Variants in DOCK1 observed in about 807,000 individuals in gnomAD.
DOCK1 encodes dedicator of cytokinesis 1.
In DOCK1, 138 loss-of-function variants were observed where a neutral mutation model predicts 262.7. That is an observed-to-expected ratio of 0.53 (90% CI 0.46 to 0.61). The LOEUF is 0.61. Among genes scored for constraint, DOCK1 ranks in the 20% least tolerant of loss-of-function variants. DOCK1 has a pLI of 0.00. For synonymous variants in DOCK1, 866 were observed against 867.4 expected (o/e 1.00, Z 0.03); for missense variants, 1,908 against 2,370.7 (o/e 0.80, Z 4.05).
intron 29 of DOCK1, among the ~76,000 whole-genome samples, chr10:127,332,525 A>G (rs1194057021): frequency 6.6e-6 from 1 of 152,106 alleles, no homozygotes; most frequent in African/African-American, 2.4e-5. Flanking sequence ...ACAAGCAAAT[A>G]TGCAGACTCC....
intron 29 of DOCK1, among the ~76,000 whole-genome samples, chr10:127,330,196 C>T (rs1048798662): frequency 6.6e-6 from 1 of 152,134 alleles, no homozygotes; most frequent in African/African-American, 2.4e-5. Context: ...AGATGAAGAA[C>T]TCTTCAAAAT....
At chr10:127,403,674 G>A (rs1273730273) in intron 39 of DOCK1, among the ~76,000 whole-genome samples, 3 of 152,256 alleles carry the variant, frequency 2.0e-5, no homozygotes, top group African/African-American at 4.8e-5. Flanking sequence ...CTGGAGAATC[G>A]CTTGAACCCA....
intron 46 of DOCK1, 38 bp downstream of exon 46, chr10:127,419,787 A>G (rs1373634460): frequency 6.4e-7 from 1 of 1,554,564 alleles, no homozygotes; most frequent in South Asian, 1.2e-5. Flanking sequence ...GGCTGGAGGG[A>G]AGGAAAGCTA....
intron 25 of DOCK1, among the ~76,000 whole-genome samples, chr10:127,111,128 G>C (rs977846175): frequency 6.6e-6 from 1 of 152,090 alleles, no homozygotes; most frequent in Admixed American, 6.5e-5. Flanking sequence ...GTGCTTTCAC[G>C]GATCCCAGAC....
chr10:126,935,388 C>T lies in DOCK1; in HGVS notation c.46+29825C>T, dbSNP rs2034497037. On this transcript the variant is annotated intron_variant, in intron 1 of 51. Transcript: ENST00000623213. ...TCTATGCCAAATCTTGGCTGGCAGC[C>T]CCCAGAGGAGTTCTGGCTTGCATCC... Among the ~76,000 whole-genome samples, 6 of 152,200 alleles carry T rather than the reference C, an allele frequency of 3.9e-5. No homozygotes were observed. In the South Asian group the frequency reaches 6.2e-4, roughly 16 times the overall value.
intron 27 of DOCK1, among the ~76,000 whole-genome samples, chr10:127,158,996 T>C (rs2053345243): frequency 6.6e-6 from 1 of 152,082 alleles, no homozygotes; most frequent in Non-Finnish European, 1.5e-5. Flanking sequence ...GACCTCTCCT[T>C]GCTTGATGCC....
chr10:127,042,005 C>T (rs1036070197), intron 19 of DOCK1, among the ~76,000 whole-genome samples: 2 of 152,200 alleles, frequency 1.3e-5, no homozygotes, highest in Non-Finnish European at 2.9e-5. Flanking sequence ...GAAGTCTCTT[C>T]CTAATTACAT....
chr10:127,382,518 G>T (rs947676672), intron 37 of DOCK1, among the ~76,000 whole-genome samples: 1 of 152,202 alleles, frequency 6.6e-6, no homozygotes, highest in African/African-American at 2.4e-5. Flanking sequence ...GAGGCTGGCT[G>T]TCTGAGGACC....
Position 127,418,454 on chromosome 10 carries a change from C to T in DOCK1, c.4605C>T (p.Asp1535=), listed in dbSNP as rs372543526. The change falls in exon 45 of 52, where the codon GAC becomes GAT. Residue 1535 remains aspartate, a synonymous_variant. Coordinates refer to ENST00000623213, the MANE Select transcript of DOCK1 (RefSeq NM_001290223.2). The stretch of plus-strand genomic sequence containing the variant: ...GCATGGTGCAGCAGCACCTGGATGA[C>T]CCCAGCCTGCCCATCAACCCGCTCT... ...INSMVQQHLD[D]PSLPINPLSM... The T allele has an allele frequency of 2.5e-5, 41 of 1,614,052 alleles. No homozygotes were observed. The African/African-American group carries it at 4.9e-4, about 19-fold the overall frequency.
intron 23 of DOCK1, among the ~76,000 whole-genome samples, chr10:127,081,237 C>T (rs1404905872): frequency 1.3e-5 from 2 of 152,054 alleles, no homozygotes; most frequent in African/African-American, 4.8e-5. Context: ...ACATTCCATA[C>T]CTGGTGCAGA....
chr10:127,175,516 G>A lies in DOCK1; in HGVS notation c.2847+47752G>A. ...TCCGAGGGCGCCTGGAGCCCGTTGAGATGTGTGGCTCTCCTCCGCTCGTCA... is the reference window on the plus strand; with the variant it reads ...TCCGAGGGCGCCTGGAGCCCGTTGAAATGTGTGGCTCTCCTCCGCTCGTCA... On this transcript the variant is annotated intron_variant, in intron 27 of 51. Transcript: ENST00000623213. This position sits in a 1 kb window ranked among gnomAD's most constrained non-coding sequence, Gnocchi z 6.3. The A allele has an allele frequency of 6.2e-7, 1 of 1,609,494 alleles. No individual in the cohort carries two copies. The highest frequency in any genetic ancestry group is 8.5e-7 in the Non-Finnish European group (1 of 1,180,018).
At chr10:126,905,797 G>A (rs2133970684) in intron 1 of DOCK1, among the ~76,000 whole-genome samples, 1 of 151,756 alleles carries the variant, frequency 6.6e-6, no homozygotes, top group African/African-American at 2.4e-5. Context: ...GAGGGGGTGG[G>A]GTGGGAATGG....
intron 27 of DOCK1, among the ~76,000 whole-genome samples, chr10:127,212,670 T>C (rs1481472858): frequency 1.3e-5 from 2 of 152,044 alleles, no homozygotes; most frequent in Non-Finnish European, 2.9e-5. Context: ...GTTTTTTTTT[T>C]CTCAATGAAG....
At position 127,380,663 on chromosome 10, in the gene DOCK1, C is replaced by G. The variant is rs11815624; in HGVS notation, c.3716+541C>G. On this transcript the variant is annotated intron_variant, in intron 36 of 51. Coordinates refer to ENST00000623213, the MANE Select transcript of DOCK1 (RefSeq NM_001290223.2). ...TGAGGGACTGTGATTGAGCCCTTCT[C>G]TCTTGGTTACTTCTAAAGTCTCGTG... Among the ~76,000 whole-genome samples the G allele has an allele frequency of 4.0e-3, 613 of 152,312 alleles. 6 individuals are homozygous for G. Among genetic ancestry groups the G allele is most frequent in the African/African-American group, 0.014 (577 of 41,578 alleles).
chr10:127,023,061 T>C (rs1564739724), intron 13 of DOCK1, 139 bp from the exon 14 acceptor site: 22 of 1,059,270 alleles, frequency 2.1e-5, no homozygotes, highest in Non-Finnish European at 2.9e-5. Context: ...ATGGTGAGAC[T>C]GTTTTGTAGA....
chr10:127,213,331 A>G (rs2058064173), intron 27 of DOCK1, among the ~76,000 whole-genome samples: 2 of 152,206 alleles, frequency 1.3e-5, no homozygotes. Context: ...GCAATCAGTG[A>G]TATGTTCTAA....
At chr10:127,150,239 C>T (rs1446631820) in intron 27 of DOCK1, among the ~76,000 whole-genome samples, 2 of 152,200 alleles carry the variant, frequency 1.3e-5, no homozygotes, top group Admixed American at 6.5e-5. Flanking sequence ...CACTTTTCTA[C>T]CGAAGAAACT....
At chr10:127,174,701 G>GT (rs968887171) in intron 27 of DOCK1, among the ~76,000 whole-genome samples, 3 of 152,144 alleles carry the variant, frequency 2.0e-5, no homozygotes, top group African/African-American at 7.2e-5. Context: ...TGTCTATGAT[G>GT]TAAAGCCTTG....
At chr10:127,186,223 G>A (rs2056218042) in intron 27 of DOCK1, among the ~76,000 whole-genome samples, 1 of 152,152 alleles carries the variant, frequency 6.6e-6, no homozygotes, top group Admixed American at 6.5e-5. Context: ...CCTGAGACTG[G>A]GTTATTTATA....
Sources: allele counts gnomAD v4.1 joint callset (sites outside exome capture counted in the v4.1 genomes callset), GRCh38; gene constraint gnomAD v4.1.1; non-coding constraint Gnocchi (gnomAD v3.1); transcripts MANE v1.5; gene names NCBI Gene and HGNC (gene_info 2026-07-23, HGNC 2026-07-21).